The following C22orf39 variants were observed in gnomAD, a reference collection of about 807,000 sequenced individuals.
The protein encoded by C22orf39 is chromosome 22 open reading frame 39, also known as synaptic plasticity regulator PANTS.
In C22orf39, 20 loss-of-function variants were observed where a neutral mutation model predicts 18.3. The observed-to-expected ratio is 1.09, with a 90% CI of 0.77 to 1.59. The LOEUF is 1.59. Among genes scored for constraint, C22orf39 ranks in the 40% most tolerant of loss-of-function variants. C22orf39 has a pLI of 0.00. For synonymous variants in C22orf39, 63 were observed against 59.6 expected (o/e 1.06, Z -0.26); for missense variants, 195 against 156.1 (o/e 1.25, Z -1.33).
rs1030083094 is a variant in C22orf39, at chr22:19,442,391, A to G, written c.*1874T>C. ...TCCTAACAGAGCATGCAGCCGCACA[A>G]TGCATACCTTGCTAAACAAGCAGGT... On this transcript the variant is annotated 3_prime_UTR_variant, in exon 3 of 3. Transcript: ENST00000399562. 6 of 152,296 alleles carry G rather than the reference A, an allele frequency of 3.9e-5. No individual in the cohort carries two copies. The highest frequency in any genetic ancestry group is 7.3e-5 in the Non-Finnish European group (5 of 68,100). 9.4% of individuals were successfully genotyped at this position (152,296 alleles called of 1,614,324 possible).
Position 19,443,936 on chromosome 22 carries a change from A to C in C22orf39, c.*329T>G. The C allele has an allele frequency of 9.4e-7, 1 of 1,063,004 alleles. No individual in the cohort carries two copies. Among genetic ancestry groups the C allele is most frequent in the Middle Eastern group, 4.2e-4 (1 of 2,368 alleles). 65.8% of individuals were successfully genotyped at this position (1,063,004 alleles called of 1,614,324 possible). A position where few individuals can be genotyped will look rare whatever the true frequency, so the allele number is the denominator to read the frequency against. On this transcript the variant is annotated 3_prime_UTR_variant, in exon 3 of 3. Coordinates refer to ENST00000399562, the MANE Select transcript of C22orf39 (RefSeq NM_173793.5). ...ACAGGTCAGGGCTACCCTTCAGTTT[A>C]CCTGAGAAGCCTAGACCTCAGGACC...
rs761285765 is a variant in C22orf39, at chr22:19,444,390, G to A, written c.193C>T (p.Gln65Ter). The change falls in exon 3 of 3, where the codon CAA (glutamine) becomes TAA (stop). Residue 65 changes from glutamine (Q) to a stop codon, truncating the protein, a stop_gained and splice_region_variant. Coordinates refer to ENST00000399562, the MANE Select transcript of C22orf39 (RefSeq NM_173793.5). LOFTEE classifies it high-confidence loss of function. The part of the protein sequence containing the change: ...WEERRNAEAQ[Q>*]SLCESERARV... Reference sequence around the variant, plus strand: ...GCCCGCTCGCTCTCACAGAGGGATTGCTGTGCAAATGAGACTCTAGTCACT... The same window carrying A: ...GCCCGCTCGCTCTCACAGAGGGATTACTGTGCAAATGAGACTCTAGTCACT... The A allele has an allele frequency of 2.5e-6, 4 of 1,597,828 alleles. No homozygotes were observed. The highest frequency in any genetic ancestry group is 3.4e-6 in the Non-Finnish European group (4 of 1,175,250).
chr22:19,444,931 T>C (rs976495250), intron 2 of C22orf39, among the ~76,000 whole-genome samples: 1 of 152,192 alleles, frequency 6.6e-6, no homozygotes, highest in Non-Finnish European at 1.5e-5. Flanking sequence ...CAGCTTCTCT[T>C]GGCTACTGTC....
intron 2 of C22orf39, among the ~76,000 whole-genome samples, chr22:19,446,940 G>A (rs182321094): frequency 6.6e-6 from 1 of 152,196 alleles, no homozygotes; most frequent in Non-Finnish European, 1.5e-5. Context: ...TCTAAACTCC[G>A]TATCAAAAGG....
chr22:19,443,162 G>T lies in C22orf39; in HGVS notation c.*1103C>A. 2 of 982,032 alleles carry T rather than the reference G, an allele frequency of 2.0e-6. No homozygotes were observed. Among genetic ancestry groups the T allele is most frequent in the Non-Finnish European group, 2.4e-6 (2 of 829,548 alleles). The allele number at this position is 982,032 out of a possible 1,614,324, so 60.8% of individuals were successfully genotyped here. On this transcript the variant is annotated 3_prime_UTR_variant, in exon 3 of 3. Transcript: ENST00000399562. ...AAACACACTCAAGCAGGGAAATACT[G>T]TTCTTTAATGGACACCCTTCTAACG...
intron 2 of C22orf39, among the ~76,000 whole-genome samples, chr22:19,446,671 C>T (rs1388069785): frequency 2.0e-5 from 3 of 152,316 alleles, no homozygotes; most frequent in South Asian, 2.1e-4. Flanking sequence ...TTCTCTACAC[C>T]CTAGCAAACA....
Position 19,445,348 on chromosome 22 carries a change from G to T in C22orf39, c.193-958C>A, listed in dbSNP as rs577841073. Reference sequence around the variant, plus strand: ...AGATGACCGACCATTCTTTTCAAAGGCTATCTGGTATTTCACTTTGTGGAA... The same window carrying T: ...AGATGACCGACCATTCTTTTCAAAGTCTATCTGGTATTTCACTTTGTGGAA... On this transcript the variant is annotated intron_variant, in intron 2 of 2. Transcript: ENST00000399562. Among the ~76,000 whole-genome samples, 10 of 152,274 alleles carry T rather than the reference G, an allele frequency of 6.6e-5. No individual in the cohort carries two copies. The South Asian group carries it at 2.1e-3, about 32-fold the overall frequency.
In C22orf39 at chr22:19,443,125, G is replaced by C; in HGVS notation, c.*1140C>G. ...GTTCACAGACACAGGGGCTCTTAGG[G>C]AGCACAGGAGAAAACACACTCAAGC... On this transcript the variant is annotated 3_prime_UTR_variant, in exon 3 of 3. Coordinates refer to ENST00000399562, the MANE Select transcript of C22orf39 (RefSeq NM_173793.5). The C allele has an allele frequency of 1.0e-6, 1 of 983,202 alleles. No homozygotes were observed. Among genetic ancestry groups the C allele is most frequent in the Non-Finnish European group, 1.2e-6 (1 of 828,800 alleles). The allele number at this position is 983,202 out of a possible 1,614,324, so 60.9% of individuals were successfully genotyped here.
chr22:19,443,240 C>T lies in C22orf39; in HGVS notation c.*1025G>A, dbSNP rs1250110147. ...AATTAAAAGATATTCAACTTGCTGC[C>T]TGTGTCCAGGAAGAGAGCAGGGAGG... On this transcript the variant is annotated 3_prime_UTR_variant, in exon 3 of 3. Transcript: ENST00000399562. The T allele has an allele frequency of 2.0e-6, 2 of 985,362 alleles. No homozygotes were observed. The highest frequency in any genetic ancestry group is 3.5e-5 in the African/African-American group (2 of 57,252). The allele number at this position is 985,362 out of a possible 1,614,324, so 61.0% of individuals were successfully genotyped here.
intron 2 of C22orf39, among the ~76,000 whole-genome samples, chr22:19,446,034 C>A (rs1239896195): frequency 2.0e-5 from 3 of 152,124 alleles, no homozygotes; most frequent in Non-Finnish European, 2.9e-5. Context: ...CATGGCTGGT[C>A]TCAAGCTCCT....
At chr22:19,446,184 A>G (rs115626980) in intron 2 of C22orf39, among the ~76,000 whole-genome samples, 12 of 152,144 alleles carry the variant, frequency 7.9e-5, no homozygotes, top group East Asian at 3.9e-4. Context: ...AATAATCCCT[A>G]TATTTCTTAT....
chr22:19,442,989 G>T lies in C22orf39; in HGVS notation c.*1276C>A. The T allele has an allele frequency of 3.6e-6, 1 of 276,558 alleles. No individual in the cohort carries two copies. The highest frequency in any genetic ancestry group is 5.5e-6 in the Non-Finnish European group (1 of 182,248). 17.1% of individuals were successfully genotyped at this position (276,558 alleles called of 1,614,324 possible). A position where few individuals can be genotyped will look rare whatever the true frequency, so the allele number is the denominator to read the frequency against. ...GCCACAGCCATGCTGGAGGCACCCT[G>T]GTTGCCTTAGACACATCAGTACTCC... On this transcript the variant is annotated 3_prime_UTR_variant, in exon 3 of 3. Transcript: ENST00000399562.
Position 19,447,530 on chromosome 22 carries a change from C to T in C22orf39, c.40G>A (p.Glu14Lys), listed in dbSNP as rs1467733563. The T allele has an allele frequency of 2.1e-6, 3 of 1,455,410 alleles. No homozygotes were observed. Among genetic ancestry groups the T allele is most frequent in the Non-Finnish European group, 1.8e-6 (2 of 1,108,156 alleles). 90.2% of individuals were successfully genotyped at this position (1,455,410 alleles called of 1,614,324 possible). A position where few individuals can be genotyped will look rare whatever the true frequency, so the allele number is the denominator to read the frequency against. Residue 14 changes from glutamate (E) to lysine (K), a missense_variant, in exon 2 of 3, where the codon GAG (glutamate) becomes AAG (lysine). Coordinates refer to ENST00000399562, the MANE Select transcript of C22orf39 (RefSeq NM_173793.5). The part of the protein sequence containing the change: ...GSGWQPPRPC[E>K]AYRAEWKLCR... ...AGCTTCCACTCGGCGCGGTAGGCCT[C>T]GCAGGGGCGCGGCGGCTGCGGCGAG...
At chr22:19,445,963 C>T (rs2089637154) in intron 2 of C22orf39, among the ~76,000 whole-genome samples, 1 of 152,088 alleles carries the variant, frequency 6.6e-6, no homozygotes, top group South Asian at 2.1e-4. Context: ...CATGAGCCAC[C>T]ATGCCCAGGC....
intron 2 of C22orf39, among the ~76,000 whole-genome samples, chr22:19,445,409 A>G (rs982240227): frequency 2.0e-5 from 3 of 152,218 alleles, no homozygotes; most frequent in African/African-American, 7.2e-5. Context: ...AGTGAAATTT[A>G]GGTTGTTTTC....
At chr22:19,444,457 CT>C (rs2089630105) in intron 2 of C22orf39, 67 bp from the exon 3 acceptor site, 2 of 1,516,478 alleles carry the variant, frequency 1.3e-6, no homozygotes, top group Middle Eastern at 1.7e-4. Flanking sequence ...TACCTCCCCC[CT>C]CTCATCACCC....
In C22orf39 at chr22:19,441,937, A is replaced by G; in HGVS notation, c.*2328T>C. On this transcript the variant is annotated 3_prime_UTR_variant, in exon 3 of 3. Coordinates refer to ENST00000399562, the MANE Select transcript of C22orf39 (RefSeq NM_173793.5). ...AGCCTCCGAAGTAGCTGGAACTACA[A>G]ATGCACGCCACCATGCATAGCTCAT... 1 of 459,214 alleles carries G rather than the reference A, an allele frequency of 2.2e-6. No individual in the cohort carries two copies. Among genetic ancestry groups the G allele is most frequent in the Non-Finnish European group, 3.9e-6 (1 of 258,916 alleles). 28.4% of individuals were successfully genotyped at this position (459,214 alleles called of 1,614,324 possible). A position where few individuals can be genotyped will look rare whatever the true frequency, so the allele number is the denominator to read the frequency against.
rs2089624603 is a variant in C22orf39 at position 19,443,527 on chromosome 22, A to G, written c.*738T>C. The G allele has an allele frequency of 3.0e-6, 3 of 985,840 alleles. No homozygotes were observed. The South Asian group carries it at 1.4e-4, about 46-fold the overall frequency. 61.1% of individuals were successfully genotyped at this position (985,840 alleles called of 1,614,324 possible). A position where few individuals can be genotyped will look rare whatever the true frequency, so the allele number is the denominator to read the frequency against. On this transcript the variant is annotated 3_prime_UTR_variant, in exon 3 of 3. Coordinates refer to ENST00000399562, the MANE Select transcript of C22orf39 (RefSeq NM_173793.5). ...AATCAGATGAAATAGCTTTTGATAC[A>G]TTAACCACCAGGGGAAATTTTGAGG...
Position 19,443,533 on chromosome 22 carries a change from C to T in C22orf39, c.*732G>A, listed in dbSNP as rs979811569. On this transcript the variant is annotated 3_prime_UTR_variant, in exon 3 of 3. Transcript: ENST00000399562. ...ATGAAATAGCTTTTGATACATTAAC[C>T]ACCAGGGGAAATTTTGAGGGAAGGA... 1 of 985,754 alleles carries T rather than the reference C, an allele frequency of 1.0e-6. No individual in the cohort carries two copies. Among genetic ancestry groups the T allele is most frequent in the South Asian group, 4.7e-5 (1 of 21,276 alleles). The allele number at this position is 985,754 out of a possible 1,614,324, so 61.1% of individuals were successfully genotyped here. A position where few individuals can be genotyped will look rare whatever the true frequency, so the allele number is the denominator to read the frequency against.
Sources: allele counts gnomAD v4.1 joint callset (sites outside exome capture counted in the v4.1 genomes callset), GRCh38; gene constraint gnomAD v4.1.1; transcripts MANE v1.5; gene names NCBI Gene and HGNC (gene_info 2026-07-23, HGNC 2026-07-21).